The following LRP5 variants were observed in gnomAD, a reference collection of about 807,000 sequenced individuals.
LRP5 encodes low-density lipoprotein receptor-related protein 5.
Under a neutral mutation model 154.1 loss-of-function variants are expected in LRP5, and 62 were observed. The ratio of observed to expected loss-of-function variants is 0.40; its 90% CI spans 0.33 to 0.50. LRP5 has a LOEUF of 0.50. Ranked by LOEUF, LRP5 falls within the 20% of genes least tolerant of loss-of-function variation. LRP5 has a pLI of 0.55. For synonymous variants in LRP5, 966 were observed against 1,011.5 expected, an observed-to-expected ratio of 0.96 and a Z score of 0.85; for missense variants, 1,915 against 2,336.7, an observed-to-expected ratio of 0.82 and a Z score of 3.72.
intron 1 of LRP5, among the ~76,000 whole-genome samples, chr11:68,331,541 G>A (rs1323781852): frequency 6.6e-6 from 1 of 152,248 alleles, no homozygotes; most frequent in East Asian, 1.9e-4. Flanking sequence ...GGAGGCGCCT[G>A]TCCTGTTCTG....
chr11:68,438,414 G>A (rs746451532), intron 19 of LRP5, 32 bp from the exon 20 acceptor site: 42 of 1,598,282 alleles, frequency 2.6e-5, no homozygotes, highest in Middle Eastern at 1.7e-4. Flanking sequence ...TGGGGTTAAT[G>A]TTGGCCACCT....
chr11:68,365,558 C>G lies in LRP5; in HGVS notation c.884-13C>G. 1 of 1,613,850 alleles carries G rather than the reference C, an allele frequency of 6.2e-7. No homozygotes were observed. The highest frequency in any genetic ancestry group is 8.5e-7 in the Non-Finnish European group (1 of 1,179,912). On this transcript the variant is annotated splice_polypyrimidine_tract_variant and intron_variant, in intron 4 of 22. Coordinates refer to ENST00000294304, the MANE Select transcript of LRP5 (RefSeq NM_002335.4). ...TTCTGGAACCTTCTCTCACTCTGTC[C>G]TGGTTTTCTCAGTCCACACTCGCTG...
intron 1 of LRP5, among the ~76,000 whole-genome samples, chr11:68,322,946 G>A (rs991157046): frequency 6.6e-6 from 1 of 152,216 alleles, no homozygotes; most frequent in Non-Finnish European, 1.5e-5. Context: ...CAGCCTCCTA[G>A]GGCCCAGACT....
the LRP5 span, among the ~76,000 whole-genome samples, chr11:68,301,889 A>G: frequency 6.6e-6 from 1 of 151,982 alleles, no homozygotes; most frequent in African/African-American, 2.4e-5. Context: ...CGGCCTCCCA[A>G]AGTGCTGGGA....
At chr11:68,334,114 A>G (rs944107734) in intron 1 of LRP5, among the ~76,000 whole-genome samples, 2 of 152,216 alleles carry the variant, frequency 1.3e-5, no homozygotes, top group African/African-American at 4.8e-5. Context: ...GGCACCTGTA[A>G]TCCCAGCTAT....
At chr11:68,310,704 A>G (rs1377228033), upstream of LRP5, among the ~76,000 whole-genome samples, 2 of 150,346 alleles carry the variant, frequency 1.3e-5, no homozygotes, top group Non-Finnish European at 3.0e-5. Flanking sequence ...GCAATGAGCT[A>G]CGATCACACC....
intron 3 of LRP5, among the ~76,000 whole-genome samples, chr11:68,362,240 G>A (rs2098628502): frequency 6.6e-6 from 1 of 152,230 alleles, no homozygotes; most frequent in Admixed American, 6.5e-5. Context: ...TCCATCAAAA[G>A]TGTTTGCCGG....
intron 1 of LRP5, among the ~76,000 whole-genome samples, chr11:68,341,246 C>T (rs755011991): frequency 5.9e-5 from 9 of 151,946 alleles, no homozygotes; most frequent in Non-Finnish European, 1.2e-4. Context: ...TTGTTCTGCA[C>T]TCTGGGCTGC....
intron 16 of LRP5, among the ~76,000 whole-genome samples, chr11:68,426,829 A>G (rs912823984): frequency 6.6e-6 from 1 of 152,222 alleles, no homozygotes; most frequent in Non-Finnish European, 1.5e-5. Flanking sequence ...GGTGTCAGGA[A>G]CGCTGGGCCC....
intron 12 of LRP5, 138 bp downstream of exon 12, chr11:68,414,150 T>A: frequency 1.2e-6 from 1 of 824,926 alleles, no homozygotes; most frequent in Admixed American, 2.0e-5. Context: ...CTGCACAAGC[T>A]GCATGATGCT....
Position 68,348,107 on chromosome 11 carries a change from G to A in LRP5, c.352G>A (p.Val118Met). The change falls in exon 2 of 23, where the codon GTG becomes ATG. Residue 118 changes from valine to methionine, a missense_variant. By Grantham distance (21) the Val-to-Met change is conservative (BLOSUM62 1). Around this residue, in one of 3 missense-constraint regions of LRP5, gnomAD observed 773 missense variants for 1,100.9 expected, o/e 0.70. Transcript: ENST00000294304. ...TCCCGACGGCCTCGCCTGCGACTGGGTGGGCAAGAAGCTGTACTGGACGGA... is the reference window on the plus strand; with the variant it reads ...TCCCGACGGCCTCGCCTGCGACTGGATGGGCAAGAAGCTGTACTGGACGGA... ...VSPDGLACDW[V>M]GKKLYWTDSE... 6.2e-7 allele frequency: 1 copy of A among 1,614,158 alleles called. No individual in the cohort carries two copies. Among genetic ancestry groups the A allele is most frequent in the South Asian group, 1.1e-5 (1 of 91,088 alleles).
At position 68,426,217 on chromosome 11, in the gene LRP5, G is replaced by A. The variant is rs371283305; in HGVS notation, c.3637+30G>A. The A allele has an allele frequency of 1.9e-6, 3 of 1,596,894 alleles. No individual in the cohort carries two copies. The African/African-American group carries it at 4.0e-5, about 21-fold the overall frequency. ...GTGGGGGCTGGCAGTGGGGTGGGCAGGGTGGCCTCTAAACCCGACCCCTGG... is the reference window on the plus strand; with the variant it reads ...GTGGGGGCTGGCAGTGGGGTGGGCAAGGTGGCCTCTAAACCCGACCCCTGG... On this transcript the variant is annotated intron_variant, in intron 16 of 22. Transcript: ENST00000294304.
In LRP5 at chr11:68,425,190, A is replaced by G. The variant is rs773575510; in HGVS notation, c.3325A>G (p.Thr1109Ala). The G allele has an allele frequency of 2.9e-5, 47 of 1,613,266 alleles. No individual in the cohort carries two copies. Among genetic ancestry groups the G allele is most frequent in the East Asian group, 4.5e-5 (2 of 44,868 alleles). Residue 1109 changes from threonine to alanine, a missense_variant, in exon 15 of 23, where the codon ACC (threonine) becomes GCC (alanine). By Grantham distance (58) the Thr-to-Ala change is moderately conservative. Coordinates refer to ENST00000294304, the MANE Select transcript of LRP5 (RefSeq NM_002335.4). ...CACCGAGCGCGAGGTCCTCTTCACCACCGGCCTCATCCGCCCTGTGGCCCT... is the reference window on the plus strand; with the variant it reads ...CACCGAGCGCGAGGTCCTCTTCACCGCCGGCCTCATCCGCCCTGTGGCCCT... ...DGTEREVLFT[T>A]GLIRPVALVV... is the part of the protein sequence containing the mutation.
intron 7 of LRP5, among the ~76,000 whole-genome samples, chr11:68,399,637 G>A (rs1037924184): frequency 6.6e-6 from 1 of 152,206 alleles, no homozygotes; most frequent in Non-Finnish European, 1.5e-5. Context: ...CAGGAGCCAG[G>A]ACAGGCACGT....
At chr11:68,364,956 C>G (rs1230608905) in intron 4 of LRP5, among the ~76,000 whole-genome samples, 1 of 152,188 alleles carries the variant, frequency 6.6e-6, no homozygotes, top group Non-Finnish European at 1.5e-5. Flanking sequence ...GAATGAGGTG[C>G]TGGAAGCATT....
chr11:68,322,725 A>G (rs887250700), intron 1 of LRP5, among the ~76,000 whole-genome samples: 1 of 152,212 alleles, frequency 6.6e-6, no homozygotes, highest in Non-Finnish European at 1.5e-5. Context: ...GATCTTACCC[A>G]TCTTTTACCT....
chr11:68,317,898 T>C (rs1363028142), intron 1 of LRP5, among the ~76,000 whole-genome samples: 1 of 152,144 alleles, frequency 6.6e-6, no homozygotes, highest in East Asian at 1.9e-4. Flanking sequence ...TCTCTCGTGC[T>C]TGGGGTCTCT....
At chr11:68,414,291 G>A (rs1313455156) in intron 12 of LRP5, among the ~76,000 whole-genome samples, 2 of 152,198 alleles carry the variant, frequency 1.3e-5, no homozygotes, top group African/African-American at 4.8e-5. Flanking sequence ...GGGGAAGGGT[G>A]CTTGCTCATA....
At chr11:68,384,829 G>A (rs373659117) in intron 5 of LRP5, among the ~76,000 whole-genome samples, 1 of 152,226 alleles carries the variant, frequency 6.6e-6, no homozygotes. Context: ...GAAAGGTTGG[G>A]GGGTCTCCGT....
Sources: allele counts gnomAD v4.1 joint callset (sites outside exome capture counted in the v4.1 genomes callset), GRCh38; gene constraint gnomAD v4.1.1; regional missense constraint gnomAD v4.1.1; transcripts MANE v1.5; gene names NCBI Gene and HGNC (gene_info 2026-07-23, HGNC 2026-07-21).